Variants in FSTL4 observed in about 807,000 individuals in gnomAD.
FSTL4 encodes the protein follistatin-related protein 4.
FSTL4 carries 28 observed loss-of-function variants against 78.2 expected under a neutral mutation model. That is an observed-to-expected ratio of 0.36 (90% CI 0.27 to 0.49). The LOEUF is 0.49. Among genes scored for constraint, FSTL4 ranks in the 20% least tolerant of loss-of-function variants. The probability of loss-of-function intolerance (pLI) is 0.98; values close to 1 mark genes in which losing one functional copy is unlikely to be tolerated. For missense variants in FSTL4, 922 were observed against 1,084.9 expected (o/e 0.85, Z 2.11); for synonymous variants, 422 against 440.5 (o/e 0.96, Z 0.53).
At chr5:133,444,552 A>G (rs898840014) in intron 3 of FSTL4, among the ~76,000 whole-genome samples, 8 of 152,156 alleles carry the variant, frequency 5.3e-5, no homozygotes, top group African/African-American at 1.9e-4. Flanking sequence ...TGCTAGACCA[A>G]CGTGTGCCCC....
the FSTL4 span, among the ~76,000 whole-genome samples, chr5:133,837,578 ATCCAG>A: frequency 0.016 from 2,403 of 152,294 alleles, 64 homozygotes; most frequent in African/African-American, 0.054. Flanking sequence ...GATGACCTTA[ATCCAG>A]TAAATAACTG....
At chr5:133,560,147 G>T (rs1759881006) in intron 3 of FSTL4, among the ~76,000 whole-genome samples, 1 of 152,314 alleles carries the variant, frequency 6.6e-6, no homozygotes, top group South Asian at 2.1e-4. Flanking sequence ...AAAGGCTACA[G>T]GTACCAGGTG....
intron 3 of FSTL4, among the ~76,000 whole-genome samples, chr5:133,433,219 G>A (rs1353656457): frequency 6.6e-6 from 1 of 152,216 alleles, no homozygotes; most frequent in Non-Finnish European, 1.5e-5. Context: ...GTTCCCCAGA[G>A]ACCTGCAAAA....
chr5:133,313,332 C>A (rs1753833788), intron 5 of FSTL4, among the ~76,000 whole-genome samples: 2 of 152,148 alleles, frequency 1.3e-5, no homozygotes. Context: ...ACCTGAGCTT[C>A]CCCCCTGCCT....
chr5:133,408,940 A>G (rs1250264187), intron 3 of FSTL4, among the ~76,000 whole-genome samples: 1 of 152,222 alleles, frequency 6.6e-6, no homozygotes, highest in African/African-American at 2.4e-5. Context: ...TACTGATTCA[A>G]GTGCATGAAC....
chr5:133,600,908 G>A (rs1284394020), intron 2 of FSTL4, among the ~76,000 whole-genome samples: 2 of 152,224 alleles, frequency 1.3e-5, no homozygotes, highest in Admixed American at 1.3e-4. Context: ...AGGAAACTCT[G>A]CTGGTTTTGA....
the FSTL4 span, among the ~76,000 whole-genome samples, chr5:133,727,035 G>A: frequency 6.6e-6 from 1 of 152,276 alleles, no homozygotes; most frequent in South Asian, 2.1e-4. Flanking sequence ...CGGGTGGCAG[G>A]TGGGGAACCA....
chr5:133,352,315 CACATATATAT>C (rs1754845919), intron 4 of FSTL4, among the ~76,000 whole-genome samples: 1 of 128,544 alleles, frequency 7.8e-6, no homozygotes, highest in African/African-American at 3.6e-5. Context: ...TATATATACA[CACATATATAT>C]ACACACATAT....
intron 3 of FSTL4, 45 bp from the exon 4 acceptor site, chr5:133,401,031 G>A (rs1231645005): frequency 6.2e-7 from 1 of 1,601,610 alleles, no homozygotes; most frequent in Admixed American, 1.7e-5. Flanking sequence ...AACACTCAGA[G>A]GGTCTGGGGT....
chr5:133,639,530 C>T, the FSTL4 span, among the ~76,000 whole-genome samples: 1 of 152,190 alleles, frequency 6.6e-6, no homozygotes, highest in South Asian at 2.1e-4. Context: ...TTGCCCTGTC[C>T]TCAGAGCTTG....
At chr5:133,257,387 G>A (rs1752407259) in intron 6 of FSTL4, among the ~76,000 whole-genome samples, 1 of 152,212 alleles carries the variant, frequency 6.6e-6, no homozygotes, top group Non-Finnish European at 1.5e-5. Context: ...CTGCTATCGA[G>A]ACATCCTAGT....
At chr5:133,659,787 GCTATCAAGAA>G in the FSTL4 span, among the ~76,000 whole-genome samples, 2 of 151,834 alleles carry the variant, frequency 1.3e-5, no homozygotes, top group East Asian at 3.9e-4. Context: ...TTGTGCTTAA[GCTATCAAGAA>G]CTGTTTCCCC....
the FSTL4 span, among the ~76,000 whole-genome samples, chr5:133,669,781 G>C: frequency 6.6e-6 from 1 of 152,178 alleles, no homozygotes; most frequent in Non-Finnish European, 1.5e-5. Flanking sequence ...CAGGGAAAGT[G>C]AGTTTATTCC....
At chr5:133,684,367 C>T in the FSTL4 span, among the ~76,000 whole-genome samples, 1 of 152,268 alleles carries the variant, frequency 6.6e-6, no homozygotes, top group African/African-American at 2.4e-5. Context: ...AGCCTAAGTC[C>T]ACTTATTGGT....
chr5:133,469,863 A>AT (rs1757785980), intron 3 of FSTL4, among the ~76,000 whole-genome samples: 1 of 152,262 alleles, frequency 6.6e-6, no homozygotes, highest in East Asian at 1.9e-4. Flanking sequence ...CCACCTCCAA[A>AT]TAACACCTCC....
intron 3 of FSTL4, among the ~76,000 whole-genome samples, chr5:133,435,540 C>T (rs902159479): frequency 6.6e-6 from 1 of 152,182 alleles, no homozygotes; most frequent in African/African-American, 2.4e-5. Context: ...ATGAAGTCAT[C>T]CACCTTATTA....
chr5:133,404,497 CAAATT>C (rs968653632), intron 3 of FSTL4, among the ~76,000 whole-genome samples: 1 of 152,190 alleles, frequency 6.6e-6, no homozygotes, highest in Non-Finnish European at 1.5e-5. Context: ...CTTTCCAACA[CAAATT>C]AAATTTACTG....
At chr5:133,233,215 G>A (rs924629535) in intron 8 of FSTL4, among the ~76,000 whole-genome samples, 1 of 152,264 alleles carries the variant, frequency 6.6e-6, no homozygotes. Flanking sequence ...ACCTGTGGAG[G>A]CTTTGGGTGG....
intron 6 of FSTL4, among the ~76,000 whole-genome samples, chr5:133,304,109 C>T (rs1353031963): frequency 1.3e-5 from 2 of 152,200 alleles, no homozygotes; most frequent in African/African-American, 2.4e-5. Context: ...GCTGAGAAAT[C>T]GGGAATGTGA....
Sources: gnomAD v4.1 joint callset for allele counts (sites outside exome capture counted in the v4.1 genomes callset) on GRCh38, gnomAD v4.1.1 for gene constraint, MANE v1.5 for transcripts, NCBI Gene and HGNC (gene_info 2026-07-23, HGNC 2026-07-21) for gene names.